Variants in PLCZ1 observed in about 807,000 individuals in gnomAD.
The protein encoded by PLCZ1 is phospholipase C zeta 1.
A neutral mutation model predicts 76.8 loss-of-function variants in PLCZ1; 64 were observed. The ratio of observed to expected loss-of-function variants is 0.83; its 90% CI spans 0.68 to 1.03. The LOEUF (loss-of-function observed/expected upper bound fraction) is 1.03. Among genes scored for constraint, PLCZ1 ranks in the 50% least tolerant of loss-of-function variants. The pLI, the probability that PLCZ1 is intolerant of heterozygous loss-of-function variation, is 0.00. For synonymous variants in PLCZ1, 248 were observed against 230.8 expected (o/e 1.07, Z -0.68); for missense variants, 751 against 713.7 (o/e 1.05, Z -0.60).
intron 6 of PLCZ1, among the ~76,000 whole-genome samples, chr12:18,710,151 T>G (rs771000722): frequency 4.0e-5 from 6 of 149,452 alleles, no homozygotes; most frequent in Non-Finnish European, 8.9e-5. Context: ...ATAGAAAGCA[T>G]TGCATTTTGT....
At chr12:18,656,860 T>C in the PLCZ1 span, among the ~76,000 whole-genome samples, 1 of 152,276 alleles carries the variant, frequency 6.6e-6, no homozygotes, top group African/African-American at 2.4e-5. Context: ...GAATGCTTAA[T>C]CAAGAAAAGA....
chr12:18,661,965 C>T, the PLCZ1 span, among the ~76,000 whole-genome samples: 1 of 152,156 alleles, frequency 6.6e-6, no homozygotes, highest in South Asian at 2.1e-4. Flanking sequence ...ATATCATTTG[C>T]AGAAACATGA....
the PLCZ1 span, chr12:18,647,965 C>A: frequency 1.2e-6 from 2 of 1,602,586 alleles, no homozygotes; most frequent in Non-Finnish European, 1.7e-6. Flanking sequence ...CAATTAACAT[C>A]CGACTCTGTA....
intron 12 of PLCZ1, chr12:18,693,840 T>G (rs1954530737): frequency 6.5e-7 from 1 of 1,531,162 alleles, no homozygotes; most frequent in South Asian, 1.1e-5. Context: ...GAGTTCCCCC[T>G]GCCTGATGAA....
chr12:18,677,337 C>A, the PLCZ1 span, among the ~76,000 whole-genome samples: 1 of 152,090 alleles, frequency 6.6e-6, no homozygotes, highest in Admixed American at 6.6e-5. Flanking sequence ...TGAATCAGCA[C>A]CGTGCAATCA....
the PLCZ1 span, among the ~76,000 whole-genome samples, chr12:18,674,728 TCTAA>T: frequency 3.9e-5 from 6 of 152,180 alleles, no homozygotes; most frequent in Non-Finnish European, 5.9e-5. Flanking sequence ...TTTTGTTTGC[TCTAA>T]CTAACACGAT....
At chr12:18,699,393 T>G (rs562659491) in intron 10 of PLCZ1, among the ~76,000 whole-genome samples, 3 of 152,290 alleles carry the variant, frequency 2.0e-5, no homozygotes, top group Admixed American at 1.3e-4. Context: ...CGTTTAGAAA[T>G]AGAGTGGATC....
At chr12:18,714,464 G>A (rs753825147) in intron 5 of PLCZ1, among the ~76,000 whole-genome samples, 10 of 152,146 alleles carry the variant, frequency 6.6e-5, no homozygotes. Context: ...CTGTAGAGAT[G>A]TAAGAAGAGA....
intron 2 of PLCZ1, 80 bp downstream of exon 2, chr12:18,737,281 C>T (rs1324010485): frequency 2.0e-6 from 3 of 1,495,444 alleles, no homozygotes; most frequent in East Asian, 2.3e-5. Flanking sequence ...CAGAACTCCT[C>T]GAAAAGAATA....
At chr12:18,650,704 G>GTATATATATATA in the PLCZ1 span, among the ~76,000 whole-genome samples, 1 of 57,764 alleles carries the variant, frequency 1.7e-5, no homozygotes, top group Non-Finnish European at 4.0e-5. Context: ...GTGTGTGTGT[G>GTATATATATATA]TATATATCTA....
chr12:18,688,022 CAT>C lies in PLCZ1; in HGVS notation c.1591+65_1591+66del. The C allele has an allele frequency of 1.9e-6, 3 of 1,578,958 alleles. No individual in the cohort carries two copies. In the East Asian group the frequency reaches 6.8e-5, roughly 36 times the overall value. On this transcript the variant is annotated intron_variant, in intron 13 of 14. Coordinates refer to ENST00000266505, the MANE Select transcript of PLCZ1 (RefSeq NM_033123.4). ...TAAATATGTACAAAAACTCTATCAA[CAT>C]ATAATTTGTAAGCTTTCCAACAAGA...
chr12:18,682,917 A>G (rs1367566199), downstream of PLCZ1, among the ~76,000 whole-genome samples: 1 of 152,042 alleles, frequency 6.6e-6, no homozygotes. Flanking sequence ...TTGCCAATGT[A>G]TATTTTATAA....
At chr12:18,664,202 GAC>G in the PLCZ1 span, among the ~76,000 whole-genome samples, 4 of 152,288 alleles carry the variant, frequency 2.6e-5, no homozygotes, top group South Asian at 2.1e-4. Context: ...GCCACTGTGG[GAC>G]ACAGTTTGGT....
intron 12 of PLCZ1, among the ~76,000 whole-genome samples, chr12:18,690,256 T>G (rs956585870): frequency 2.6e-4 from 40 of 152,132 alleles, no homozygotes; most frequent in African/African-American, 9.7e-4. Context: ...GAACTTTGGC[T>G]CTTGCTACCC....
chr12:18,693,553 C>G (rs1328921859), intron 12 of PLCZ1: 6 of 1,608,358 alleles, frequency 3.7e-6, no homozygotes, highest in Non-Finnish European at 1.7e-6. Context: ...TTCAGAAGTA[C>G]CTAGGTGATG....
At chr12:18,713,210 C>A (rs1957549671) in intron 5 of PLCZ1, among the ~76,000 whole-genome samples, 1 of 151,992 alleles carries the variant, frequency 6.6e-6, no homozygotes, top group Non-Finnish European at 1.5e-5. Flanking sequence ...GTCTTTCTCG[C>A]TAGTCAAATG....
intron 3 of PLCZ1, among the ~76,000 whole-genome samples, chr12:18,728,886 G>A (rs1226827657): frequency 1.3e-5 from 2 of 151,962 alleles, no homozygotes; most frequent in Non-Finnish European, 2.9e-5. Context: ...TTACATTGTG[G>A]AGGACCAACT....
At chr12:18,720,414 A>G (rs1221163942) in intron 4 of PLCZ1, among the ~76,000 whole-genome samples, 1 of 151,290 alleles carries the variant, frequency 6.6e-6, no homozygotes, top group Non-Finnish European at 1.5e-5. Flanking sequence ...GTATCTGATC[A>G]TCTTTAGTAA....
chr12:18,647,407 T>C, the PLCZ1 span, among the ~76,000 whole-genome samples: 1 of 151,062 alleles, frequency 6.6e-6, no homozygotes, highest in Admixed American at 6.6e-5. Flanking sequence ...TCATGCAATA[T>C]ACCTCTGGTA....
Sources: allele counts gnomAD v4.1 joint callset (sites outside exome capture counted in the v4.1 genomes callset), GRCh38; gene constraint gnomAD v4.1.1; transcripts MANE v1.5; gene names NCBI Gene and HGNC (gene_info 2026-07-23, HGNC 2026-07-21).